The following MGAT5 variants were observed in gnomAD, a reference collection of about 807,000 sequenced individuals.
The protein encoded by MGAT5 is alpha-1,6-mannosylglycoprotein 6-beta-N-acetylglucosaminyltransferase.
A neutral mutation model predicts 94.3 loss-of-function variants in MGAT5; 30 were observed. The observed-to-expected ratio is 0.32, with a 90% confidence interval of 0.24 to 0.43. The LOEUF is 0.43. MGAT5 is among the 20% of genes least tolerant of loss of function. MGAT5 has a pLI of 1.00. For synonymous variants in MGAT5, 310 were observed against 322.9 expected (o/e 0.96, Z 0.43); for missense variants, 691 against 905.5 (o/e 0.76, Z 3.04).
intron 1 of MGAT5, among the ~76,000 whole-genome samples, chr2:134,139,079 C>G (rs954088700): frequency 1.3e-5 from 2 of 152,220 alleles, no homozygotes; most frequent in Admixed American, 1.3e-4. Context: ...GAGAAATTCT[C>G]TAAGGCTAGG....
chr2:134,124,218 T>C (rs983811539), intron 1 of MGAT5, among the ~76,000 whole-genome samples: 12 of 152,214 alleles, frequency 7.9e-5, no homozygotes, highest in African/African-American at 2.9e-4. Flanking sequence ...GCTGCCAAGG[T>C]GGGTCCCAGG....
In MGAT5 at chr2:134,389,691, A is replaced by G. The variant is rs577098108; in HGVS notation, c.1381-13297A>G. On this transcript the variant is annotated intron_variant, in intron 10 of 15. Coordinates refer to ENST00000281923, the MANE Select transcript of MGAT5 (RefSeq NM_002410.5). ...TTTGGAATCAAAACTAATACAGGTTATGGCAAGCTGGTCCCATCATAAATT... is the reference window on the plus strand; with the variant it reads ...TTTGGAATCAAAACTAATACAGGTTGTGGCAAGCTGGTCCCATCATAAATT... Among the ~76,000 whole-genome samples, 20 of 152,328 alleles carry G rather than the reference A, an allele frequency of 1.3e-4. No homozygotes were observed. In the East Asian group the frequency reaches 3.7e-3, roughly 28 times the overall value.
In MGAT5 at chr2:134,345,102, T is replaced by C. The variant is rs183616162; in HGVS notation, c.1112+38T>C. The C allele has an allele frequency of 3.0e-5, 48 of 1,589,074 alleles. No homozygotes were observed. In the East Asian group the frequency reaches 8.8e-4, roughly 29 times the overall value. On this transcript the variant is annotated intron_variant, in intron 8 of 15. Coordinates refer to ENST00000281923, the MANE Select transcript of MGAT5 (RefSeq NM_002410.5). Reference sequence around the variant, plus strand: ...TGGTGTTCTGACTTAAGGTTTTTTTTCCCCTCCTTAACAAAGGTTGCATGG... The same window carrying C: ...TGGTGTTCTGACTTAAGGTTTTTTTCCCCCTCCTTAACAAAGGTTGCATGG...
intron 1 of MGAT5, among the ~76,000 whole-genome samples, chr2:134,177,733 T>A (rs1212327875): frequency 6.6e-6 from 1 of 152,214 alleles, no homozygotes; most frequent in Non-Finnish European, 1.5e-5. Context: ...GGAAGTTGCC[T>A]CAGAATTAAT....
Position 134,344,979 on chromosome 2 carries a change from G to C in MGAT5, c.1027G>C (p.Asp343His), listed in dbSNP as rs779349650. 1 of 1,613,604 alleles carries C rather than the reference G, an allele frequency of 6.2e-7. No homozygotes were observed. The highest frequency in any genetic ancestry group is 1.7e-5 in the Admixed American group (1 of 59,962). ...CCGATCTGGCTGCCCAACTGTAGGAGACAGAATTGTTGAGCTCATTTACAT... is the reference window on the plus strand; with the variant it reads ...CCGATCTGGCTGCCCAACTGTAGGACACAGAATTGTTGAGCTCATTTACAT... The part of the protein sequence containing the change: ...GNRSGCPTVG[D>H]RIVELIYIDI... The change falls in exon 8 of 16, where the codon GAC (aspartate) becomes CAC (histidine). Residue 343 changes from aspartate (D) to histidine (H), a missense_variant. Physicochemically the swap from Asp to His is moderately conservative, Grantham distance 81. Around this residue, in one of 4 missense-constraint regions of MGAT5, gnomAD observed 121 missense variants for 206.1 expected, o/e 0.59. Coordinates refer to ENST00000281923, the MANE Select transcript of MGAT5 (RefSeq NM_002410.5).
chr2:134,257,836 C>CCTTTTTTTTTTTTTTTTTTTTTTTTT lies in MGAT5; in HGVS notation c.241+3192_241+3193insCTTTTTTTTTTTTTTTTTTTTTTTTT, dbSNP rs781189819. 6.6e-5 allele frequency among the ~76,000 whole-genome samples: 7 copies of CCTTTTTTTTTTTTTTTTTTTTTTTTT among 106,414 alleles called. 3 individuals carry two copies. Among genetic ancestry groups the CCTTTTTTTTTTTTTTTTTTTTTTTTT allele is most frequent in the Non-Finnish European group, 5.5e-5 (3 of 54,240 alleles). 69.8% of individuals were successfully genotyped at this position (106,414 alleles called of 152,430 possible). A position where few individuals can be genotyped will look rare whatever the true frequency, so the allele number is the denominator to read the frequency against. ...TGCATAGGCCATTAGTTTGCAGTCT[C>CCTTTTTTTTTTTTTTTTTTTTTTTTT]TTTTTTTTTTTTTTTTTTTGCCATA... On this transcript the variant is annotated intron_variant, in intron 1 of 15. Transcript: ENST00000281923.
chr2:134,125,442 C>T (rs372811625), intron 1 of MGAT5, among the ~76,000 whole-genome samples: 9 of 152,104 alleles, frequency 5.9e-5, no homozygotes, highest in Non-Finnish European at 8.8e-5. Context: ...CAACCTAAGC[C>T]GAGAGGGCTT....
At chr2:134,318,939 A>G (rs1225863007) in intron 4 of MGAT5, among the ~76,000 whole-genome samples, 200 bp downstream of exon 4, 1 of 152,202 alleles carries the variant, frequency 6.6e-6, no homozygotes, top group Non-Finnish European at 1.5e-5. Flanking sequence ...GGAGTTAGTT[A>G]GCTATTTCCT....
intron 2 of MGAT5, among the ~76,000 whole-genome samples, chr2:134,277,414 G>T (rs1684444852): frequency 6.6e-6 from 1 of 152,100 alleles, no homozygotes; most frequent in Non-Finnish European, 1.5e-5. Context: ...GGGAAGGAAG[G>T]CACGTCTTAC....
intron 1 of MGAT5, among the ~76,000 whole-genome samples, chr2:134,134,885 C>T (rs1427867254): frequency 6.6e-6 from 1 of 152,164 alleles, no homozygotes; most frequent in Non-Finnish European, 1.5e-5. Context: ...AGCAAATAAT[C>T]GTTGCACATT....
intron 1 of MGAT5, among the ~76,000 whole-genome samples, chr2:134,155,978 A>G (rs1007363536): frequency 1.3e-5 from 2 of 152,102 alleles, no homozygotes; most frequent in Non-Finnish European, 2.9e-5. Flanking sequence ...TTTTCTTCAT[A>G]GTAGTTGCCA....
At chr2:134,165,214 C>G (rs964904296) in intron 1 of MGAT5, among the ~76,000 whole-genome samples, 22 of 152,354 alleles carry the variant, frequency 1.4e-4, no homozygotes, top group African/African-American at 5.1e-4. Flanking sequence ...GTGGGCATCG[C>G]TGCTCTAGCT....
chr2:134,259,598 G>A (rs143316226), intron 1 of MGAT5, among the ~76,000 whole-genome samples: 17 of 152,208 alleles, frequency 1.1e-4, no homozygotes, highest in South Asian at 2.1e-4. Context: ...TCTCTCTGCC[G>A]ACCCCCATCC....
Position 134,130,257 on chromosome 2 carries a change from G to T in MGAT5, c.-143+9966G>T, listed in dbSNP as rs1430645576. Among the ~76,000 whole-genome samples the T allele has an allele frequency of 4.6e-5, 4 of 87,622 alleles. No homozygotes were observed. The South Asian group carries it at 1.3e-3, about 29-fold the overall frequency. 57.5% of individuals were successfully genotyped at this position (87,622 alleles called of 152,430 possible). On this transcript the variant is annotated intron_variant, in intron 1 of 16. Transcript: ENST00000409645. The stretch of plus-strand genomic sequence containing the variant: ...ACACCGCCCCACACCGCCCCACACC[G>T]CCCCACACCGCCCCACACCCTGGCG...
At chr2:134,334,496 CTTTTTTT>C (rs59933611) in intron 4 of MGAT5, among the ~76,000 whole-genome samples, 4 of 34,108 alleles carry the variant, frequency 1.2e-4, no homozygotes, top group Admixed American at 5.6e-4. Flanking sequence ...CTTGCTCATC[CTTTTTTT>C]TTTTTTTTTT....
At chr2:134,289,633 A>G (rs569400942) in intron 2 of MGAT5, among the ~76,000 whole-genome samples, 2 of 152,368 alleles carry the variant, frequency 1.3e-5, no homozygotes, top group East Asian at 3.9e-4. Context: ...CCATATGCTG[A>G]TAAGAGTGAC....
chr2:134,189,602 G>GTTTTGTTTTTTTT lies in MGAT5; in HGVS notation c.-142-64656_-142-64655insGTTTTTTTTTTTT, dbSNP rs1553490380. On this transcript the variant is annotated intron_variant, in intron 1 of 16. Coordinates refer to the MGAT5 transcript ENST00000409645. The stretch of plus-strand genomic sequence containing the variant: ...AACCTCATGGCTCTAGTTTTTTTTT[G>GTTTTGTTTTTTTT]TTTTTTTTTTTTTTTTTTAAGACAG... Among the ~76,000 whole-genome samples, 129 of 84,646 alleles carry GTTTTGTTTTTTTT rather than the reference G, an allele frequency of 1.5e-3. 7 individuals are homozygous for GTTTTGTTTTTTTT. The highest frequency in any genetic ancestry group is 5.2e-3 in the African/African-American group (110 of 20,992). The allele number at this position is 84,646 out of a possible 152,430, so 55.5% of individuals were successfully genotyped here. A position where few individuals can be genotyped will look rare whatever the true frequency, so the allele number is the denominator to read the frequency against.
At chr2:134,214,640 C>T (rs762533928) in intron 1 of MGAT5, among the ~76,000 whole-genome samples, 11 of 151,858 alleles carry the variant, frequency 7.2e-5, no homozygotes, top group Non-Finnish European at 1.2e-4. Context: ...AATATTATAA[C>T]AAAAGATACT....
chr2:134,381,392 AG>A (rs1558841830), intron 10 of MGAT5, among the ~76,000 whole-genome samples: 4 of 121,850 alleles, frequency 3.3e-5, no homozygotes, highest in South Asian at 2.7e-4. Flanking sequence ...TTAGATAGAT[AG>A]ATAGATAGAT....
Sources: gnomAD v4.1 joint callset for allele counts (sites outside exome capture counted in the v4.1 genomes callset) on GRCh38, gnomAD v4.1.1 for gene constraint, gnomAD v4.1.1 regional missense constraint, MANE v1.5 for transcripts, NCBI Gene and HGNC (gene_info 2026-07-23, HGNC 2026-07-21) for gene names.